Variants in CNTLN observed in about 807,000 individuals in gnomAD.
CNTLN encodes centlein.
A neutral mutation model predicts 180.0 loss-of-function variants in CNTLN; 212 were observed. The ratio of observed to expected loss-of-function variants is 1.18; its 90% CI spans 1.05 to 1.32. The LOEUF is 1.32. Ranked by LOEUF, CNTLN falls within the 40% of genes most tolerant of loss-of-function variation. The probability of loss-of-function intolerance (pLI) is 0.00; values close to 1 mark genes in which losing one functional copy is unlikely to be tolerated. For missense variants in CNTLN, 2,095 were observed against 1,610.9 expected (o/e 1.30, Z -5.14); for synonymous variants, 722 against 563.1 (o/e 1.28, Z -3.99).
chr9:17,235,776 A>C lies in CNTLN; in HGVS notation c.653A>C (p.Lys218Thr). ...FSDLEKKFKD[K>T]SQEIKDTKEC... is the part of the protein sequence containing the mutation. ...GACTTGGAGAAGAAATTTAAAGATA[A>C]AAGTCAAGAAATTAAGGTGTGTTGA... Residue 218 changes from lysine (K) to threonine (T), a missense_variant, in exon 4 of 26, where the codon AAA becomes ACA. Transcript: ENST00000380647. 1 of 1,605,210 alleles carries C rather than the reference A, an allele frequency of 6.2e-7. No individual in the cohort carries two copies. The highest frequency in any genetic ancestry group is 2.2e-5 in the East Asian group (1 of 44,696).
intron 7 of CNTLN, chr9:17,300,943 C>G (rs747661005): frequency 4.1e-6 from 4 of 977,430 alleles, no homozygotes; most frequent in African/African-American, 1.8e-5. Flanking sequence ...TATTCTACAA[C>G]TCTTACAGTT....
chr9:17,244,277 T>A (rs1178786592), intron 5 of CNTLN, among the ~76,000 whole-genome samples: 1 of 151,926 alleles, frequency 6.6e-6, no homozygotes, highest in Non-Finnish European at 1.5e-5. Flanking sequence ...AGTGGCACGA[T>A]CATGGCTCAC....
At chr9:17,464,730 A>T in intron 21 of CNTLN, 107 bp downstream of exon 21, 1 of 682,862 alleles carries the variant, frequency 1.5e-6, no homozygotes, top group Non-Finnish European at 2.3e-6. Flanking sequence ...TATTGATAGG[A>T]TATGTATTTA....
chr9:17,436,067 A>G (rs924519696), intron 18 of CNTLN, among the ~76,000 whole-genome samples: 45 of 152,210 alleles, frequency 3.0e-4, no homozygotes, highest in African/African-American at 9.9e-4. Context: ...TGTGATATTT[A>G]TTTACCTTTT....
chr9:17,335,140 A>G (rs1012109995), intron 10 of CNTLN, among the ~76,000 whole-genome samples: 1 of 152,200 alleles, frequency 6.6e-6, no homozygotes, highest in African/African-American at 2.4e-5. Flanking sequence ...TCAACAGATT[A>G]AATGACATCC....
chr9:17,319,872 C>G lies in CNTLN; in HGVS notation c.1341+10620C>G, dbSNP rs944889171. On this transcript the variant is annotated intron_variant, in intron 8 of 25. Coordinates refer to ENST00000380647, the MANE Select transcript of CNTLN (RefSeq NM_017738.4). ...GTAATCCAAATTATTGGTGAGCTGACAGTCTTTGCCATAGAAAAGGGCAAA... is the reference window on the plus strand; with the variant it reads ...GTAATCCAAATTATTGGTGAGCTGAGAGTCTTTGCCATAGAAAAGGGCAAA... Among the ~76,000 whole-genome samples, 2 of 152,076 alleles carry G rather than the reference C, an allele frequency of 1.3e-5. 1 individual carries two copies. The highest frequency in any genetic ancestry group is 4.8e-5 in the African/African-American group (2 of 41,370).
chr9:17,376,773 A>T (rs1203738980), intron 13 of CNTLN, among the ~76,000 whole-genome samples: 9 of 152,158 alleles, frequency 5.9e-5, no homozygotes. Flanking sequence ...TAATGGCCAG[A>T]TACGGAGAAG....
At chr9:17,400,938 A>T (rs1436832513) in intron 15 of CNTLN, among the ~76,000 whole-genome samples, 2 of 152,206 alleles carry the variant, frequency 1.3e-5, no homozygotes, top group African/African-American at 2.4e-5. Context: ...CCACACACAC[A>T]TAAAAATCTT....
intron 2 of CNTLN, among the ~76,000 whole-genome samples, chr9:17,147,293 A>G (rs1818522270): frequency 6.6e-6 from 1 of 152,216 alleles, no homozygotes; most frequent in Non-Finnish European, 1.5e-5. Context: ...TTTTCTGGAC[A>G]AATGATTTTG....
intron 2 of CNTLN, among the ~76,000 whole-genome samples, chr9:17,180,452 C>T (rs1257996484): frequency 6.6e-6 from 1 of 150,600 alleles, no homozygotes; most frequent in Non-Finnish European, 1.5e-5. Flanking sequence ...AGAAACCTTT[C>T]TCTCTATTTT....
At chr9:17,486,043 T>G (rs1832873709) in intron 24 of CNTLN, among the ~76,000 whole-genome samples, 3 of 152,078 alleles carry the variant, frequency 2.0e-5, no homozygotes, top group African/African-American at 7.2e-5. Flanking sequence ...AAGTCCCTCC[T>G]GAAAGAATAA....
intron 2 of CNTLN, among the ~76,000 whole-genome samples, chr9:17,204,525 G>T (rs1403487439): frequency 6.6e-6 from 1 of 152,116 alleles, no homozygotes; most frequent in African/African-American, 2.4e-5. Context: ...AGTGATTGCT[G>T]CCTGCTCTTT....
rs957020307 is a variant in CNTLN, at chr9:17,357,261, G to A, written c.1887-9356G>A. Among the ~76,000 whole-genome samples, 61 of 98,150 alleles carry A rather than the reference G, an allele frequency of 6.2e-4. 1 individual carries two copies. Among genetic ancestry groups the A allele is most frequent in the African/African-American group, 2.0e-3 (58 of 29,296 alleles). 64.4% of individuals were successfully genotyped at this position (98,150 alleles called of 152,430 possible). ...TTTGTTTATTCAGCCATTGATGGATGTTTGGGTTTTTTCCATGTTCCAGCT... is the reference window on the plus strand; with the variant it reads ...TTTGTTTATTCAGCCATTGATGGATATTTGGGTTTTTTCCATGTTCCAGCT... On this transcript the variant is annotated intron_variant, in intron 12 of 25. Transcript: ENST00000380647.
chr9:17,507,230 G>A (rs1453946644), downstream of CNTLN, among the ~76,000 whole-genome samples: 1 of 152,092 alleles, frequency 6.6e-6, no homozygotes, highest in East Asian at 1.9e-4. Context: ...TTTTAAATGA[G>A]AACATGAGGT....
intron 5 of CNTLN, among the ~76,000 whole-genome samples, chr9:17,242,641 G>A (rs900767158): frequency 6.6e-6 from 1 of 152,162 alleles, no homozygotes; most frequent in African/African-American, 2.4e-5. Context: ...TTGATATGAT[G>A]TATCTCATGA....
intron 18 of CNTLN, 117 bp downstream of exon 18, chr9:17,416,306 T>C (rs1828247294): frequency 6.3e-6 from 5 of 790,864 alleles, no homozygotes; most frequent in Non-Finnish European, 7.6e-6. Flanking sequence ...TTTTAAAAAA[T>C]CCCAGGCACT....
At chr9:17,427,221 C>T (rs1340863960) in intron 18 of CNTLN, among the ~76,000 whole-genome samples, 5 of 152,020 alleles carry the variant, frequency 3.3e-5, no homozygotes, top group Non-Finnish European at 5.9e-5. Flanking sequence ...TCACATGCTC[C>T]GTGCTCTGCT....
chr9:17,143,155 T>C (rs35311962), intron 1 of CNTLN, 133 bp from the exon 2 acceptor site: 109,590 of 604,612 alleles, frequency 0.18, 12,501 homozygotes, highest in Non-Finnish European at 0.24. Context: ...CCCATTCCTT[T>C]AAAGAGAATC....
intron 8 of CNTLN, among the ~76,000 whole-genome samples, chr9:17,311,964 C>T (rs905465754): frequency 5.9e-5 from 9 of 151,988 alleles, no homozygotes; most frequent in African/African-American, 1.9e-4. Context: ...AATATCAAGA[C>T]AGTATGGTGT....
Sources: gnomAD v4.1 joint callset for allele counts (sites outside exome capture counted in the v4.1 genomes callset) on GRCh38, gnomAD v4.1.1 for gene constraint, MANE v1.5 for transcripts, NCBI Gene and HGNC (gene_info 2026-07-23, HGNC 2026-07-21) for gene names.